The following GRID1 variants were observed in gnomAD, a reference collection of about 807,000 sequenced individuals.
The protein encoded by GRID1 is glutamate receptor ionotropic, delta-1.
Under a neutral mutation model 98.0 loss-of-function variants are expected in GRID1, and 28 were observed. The ratio of observed to expected loss-of-function variants is 0.29; its 90% confidence interval spans 0.21 to 0.39. GRID1 has a LOEUF of 0.39. Among genes scored for constraint, GRID1 ranks in the 10% least tolerant of loss-of-function variants. GRID1 has a pLI of 1.00. For missense variants in GRID1, 1,111 were observed against 1,340.5 expected (o/e 0.83, Z 2.67); for synonymous variants, 553 against 538.5 (o/e 1.03, Z -0.37).
chr10:85,772,194 A>C (rs1013137942), intron 8 of GRID1, among the ~76,000 whole-genome samples: 62 of 152,238 alleles, frequency 4.1e-4, no homozygotes, highest in African/African-American at 1.5e-3. Flanking sequence ...AACTACATGG[A>C]AACTGAACAA....
At position 85,769,713 on chromosome 10, in the gene GRID1, C is replaced by T. The variant is rs928174806; in HGVS notation, c.1234-40099G>A. On this transcript the variant is annotated intron_variant, in intron 8 of 15. Coordinates refer to ENST00000327946, the MANE Select transcript of GRID1 (RefSeq NM_017551.3). Reference sequence around the variant, plus strand: ...GGAGGGTCCTACACCCACGGAGTCTCGCTGATTGCTAACAAAGCAGTCTGA... The same window carrying T: ...GGAGGGTCCTACACCCACGGAGTCTTGCTGATTGCTAACAAAGCAGTCTGA... 7.4e-4 allele frequency among the ~76,000 whole-genome samples: 113 copies of T among 152,218 alleles called. 1 individual carries two copies. Among genetic ancestry groups the T allele is most frequent in the African/African-American group, 9.6e-5 (4 of 41,452 alleles).
intron 8 of GRID1, among the ~76,000 whole-genome samples, chr10:85,847,180 C>A (rs1463217124): frequency 6.6e-6 from 1 of 152,198 alleles, no homozygotes; most frequent in Non-Finnish European, 1.5e-5. Flanking sequence ...AGAATGGAGA[C>A]ACACAGAAAA....
intron 2 of GRID1, among the ~76,000 whole-genome samples, chr10:86,292,755 G>A (rs1847534009): frequency 6.6e-6 from 1 of 151,986 alleles, no homozygotes; most frequent in South Asian, 2.1e-4. Flanking sequence ...GTCGGGAGTG[G>A]GTGTGAGTGT....
intron 4 of GRID1, among the ~76,000 whole-genome samples, chr10:86,106,502 G>A (rs936332943): frequency 2.0e-5 from 3 of 150,990 alleles, no homozygotes; most frequent in Non-Finnish European, 4.4e-5. Context: ...GTGTGGGGAT[G>A]GGAGAATGGG....
At chr10:85,721,774 T>C (rs879187763) in intron 12 of GRID1, among the ~76,000 whole-genome samples, 4 of 152,196 alleles carry the variant, frequency 2.6e-5, no homozygotes, top group Admixed American at 2.6e-4. Context: ...ATCTGTTCAG[T>C]ATTTTTACTG....
intron 8 of GRID1, among the ~76,000 whole-genome samples, chr10:85,731,961 G>C (rs1328776733): frequency 1.4e-5 from 2 of 147,998 alleles, no homozygotes; most frequent in Admixed American, 6.6e-5. Context: ...AAAGGAAAAA[G>C]GAAAAAGGAA....
intron 4 of GRID1, among the ~76,000 whole-genome samples, chr10:86,137,798 T>A (rs952598951): frequency 2.0e-5 from 3 of 152,138 alleles, no homozygotes; most frequent in African/African-American, 7.2e-5. Context: ...TTGTACCACA[T>A]TAAGCATTCC....
At chr10:85,703,017 G>A (rs189490972) in intron 12 of GRID1, among the ~76,000 whole-genome samples, 100 of 151,712 alleles carry the variant, frequency 6.6e-4, no homozygotes, top group African/African-American at 2.2e-3. Flanking sequence ...GAGGGGAGAA[G>A]AGAGAAAGTT....
At chr10:86,090,248 T>C (rs927852215) in intron 4 of GRID1, among the ~76,000 whole-genome samples, 2 of 148,226 alleles carry the variant, frequency 1.3e-5, no homozygotes, top group Non-Finnish European at 3.0e-5. Flanking sequence ...AGAAATCCCA[T>C]CTCTACTAAA....
chr10:85,760,451 A>C (rs543444227), intron 8 of GRID1, among the ~76,000 whole-genome samples: 1 of 152,326 alleles, frequency 6.6e-6, no homozygotes, highest in African/African-American at 2.4e-5. Context: ...TCCCCCTGGC[A>C]CACAAGCCAG....
intron 5 of GRID1, among the ~76,000 whole-genome samples, chr10:85,887,810 T>G (rs1032573778): frequency 6.6e-6 from 1 of 152,184 alleles, no homozygotes; most frequent in Non-Finnish European, 1.5e-5. Flanking sequence ...ATACAATGTG[T>G]CTAGCCCGAA....
chr10:86,123,716 G>A (rs764166524), intron 4 of GRID1, among the ~76,000 whole-genome samples: 1 of 152,216 alleles, frequency 6.6e-6, no homozygotes, highest in Non-Finnish European at 1.5e-5. Flanking sequence ...AAGATGCACT[G>A]AAAAGGGGCA....
chr10:85,625,176 G>A (rs75200947), intron 13 of GRID1, among the ~76,000 whole-genome samples: 3,296 of 152,258 alleles, frequency 0.022, 41 homozygotes, highest in African/African-American at 0.033. Flanking sequence ...CTAAACAAGT[G>A]GGTGAAAGTG....
chr10:86,104,355 C>A (rs895844667), intron 4 of GRID1, among the ~76,000 whole-genome samples: 1 of 152,190 alleles, frequency 6.6e-6, no homozygotes, highest in Admixed American at 6.5e-5. Context: ...CAGACACCCA[C>A]GAGAAGGCCC....
At chr10:86,274,957 G>A (rs1266113565) in intron 2 of GRID1, among the ~76,000 whole-genome samples, 1 of 152,148 alleles carries the variant, frequency 6.6e-6, no homozygotes, top group Non-Finnish European at 1.5e-5. Context: ...TGTTGAATAG[G>A]AGTGGTGAGA....
At chr10:85,631,072 A>C (rs1276459298) in intron 13 of GRID1, among the ~76,000 whole-genome samples, 1 of 152,228 alleles carries the variant, frequency 6.6e-6, no homozygotes, top group Non-Finnish European at 1.5e-5. Context: ...TTTACCAGCT[A>C]TTCTCTTCCC....
At chr10:86,316,073 A>G (rs558024748) in intron 2 of GRID1, among the ~76,000 whole-genome samples, 9 of 152,202 alleles carry the variant, frequency 5.9e-5, no homozygotes, top group Non-Finnish European at 1.0e-4. Context: ...GAGCAAGACC[A>G]TCACAAAATA....
intron 2 of GRID1, among the ~76,000 whole-genome samples, chr10:86,310,446 G>T (rs8181372): frequency 0.52 from 79,434 of 151,974 alleles, 24,284 homozygotes; most frequent in Non-Finnish European, 0.68. Flanking sequence ...GTGGGGTAGA[G>T]GGGTGGGCAG....
intron 12 of GRID1, among the ~76,000 whole-genome samples, chr10:85,703,367 A>C (rs1841475063): frequency 6.6e-6 from 1 of 152,088 alleles, no homozygotes; most frequent in South Asian, 2.1e-4. Context: ...TGGAGCATAG[A>C]ATTCAGTCTT....
Sources: gnomAD v4.1 joint callset for allele counts (sites outside exome capture counted in the v4.1 genomes callset) on GRCh38, gnomAD v4.1.1 for gene constraint, MANE v1.5 for transcripts, NCBI Gene and HGNC (gene_info 2026-07-23, HGNC 2026-07-21) for gene names.